The following LGR5 variants were observed in gnomAD, a reference collection of about 807,000 sequenced individuals.
LGR5 encodes the protein leucine rich repeat containing G protein-coupled receptor 5, also known as leucine-rich repeat-containing G protein-coupled receptor 5.
In LGR5, 54 loss-of-function variants were observed where a neutral mutation model predicts 76.7. The observed-to-expected ratio is 0.70, with a 90% CI of 0.57 to 0.88. The LOEUF is 0.88. Ranked by LOEUF, LGR5 falls within the 40% of genes least tolerant of loss-of-function variation. The pLI is 0.00. For missense variants in LGR5, 1,078 were observed against 1,073.3 expected (o/e 1.00, Z -0.06); for synonymous variants, 406 against 421.9 (o/e 0.96, Z 0.46).
At chr12:71,547,986 C>G (rs1010493500) in intron 4 of LGR5, among the ~76,000 whole-genome samples, 3 of 152,060 alleles carry the variant, frequency 2.0e-5, no homozygotes, top group African/African-American at 7.2e-5. Context: ...CAGACCCCCC[C>G]CAAAAGGACC....
At chr12:71,518,949 A>G (rs2701079) in intron 2 of LGR5, among the ~76,000 whole-genome samples, 32,204 of 152,150 alleles carry the variant, frequency 0.21, 3,581 homozygotes, top group Admixed American at 0.3. Flanking sequence ...GTTTACCTAT[A>G]TAACAAACCT....
At position 71,486,684 on chromosome 12, in the gene LGR5, G is replaced by A. The variant is rs141659293; in HGVS notation, c.213-17930G>A. ...GAGCAGCTAAAAATATCAAGAACCC[G>A]TTTATTTTGGAGTGCCACTGAGGTC... On this transcript the variant is annotated intron_variant, in intron 1 of 17. Coordinates refer to ENST00000266674, the MANE Select transcript of LGR5 (RefSeq NM_003667.4). Among the ~76,000 whole-genome samples the A allele has an allele frequency of 3.4e-3, 511 of 152,276 alleles. 4 individuals carry two copies. Among genetic ancestry groups the A allele is most frequent in the African/African-American group, 0.012 (494 of 41,566 alleles).
At position 71,551,455 on chromosome 12, in the gene LGR5, T is replaced by C. The variant is rs188072950; in HGVS notation, c.429-1618T>C. Reference sequence around the variant, plus strand: ...TCAAAATCCACTTCTGATTTTCTACTCCTTCCTAATACGTGGACCACTAAA... The same window carrying C: ...TCAAAATCCACTTCTGATTTTCTACCCCTTCCTAATACGTGGACCACTAAA... On this transcript the variant is annotated intron_variant, in intron 4 of 17. Transcript: ENST00000266674. Among the ~76,000 whole-genome samples the C allele has an allele frequency of 4.4e-4, 67 of 152,360 alleles. 1 individual carries two copies. The highest frequency in any genetic ancestry group is 1.7e-3 in the Admixed American group (26 of 15,302).
chr12:71,556,724 A>G (rs762362186), intron 6 of LGR5, 34 bp downstream of exon 6: 1 of 1,506,656 alleles, frequency 6.6e-7, no homozygotes, highest in Admixed American at 1.7e-5. Context: ...CCCTTTTTTC[A>G]GTATTTTCAT....
chr12:71,494,691 C>G (rs73340164), intron 1 of LGR5, among the ~76,000 whole-genome samples: 3,627 of 151,034 alleles, frequency 0.024, 351 homozygotes, highest in African/African-American at 0.085. Flanking sequence ...TAGATATTGA[C>G]AAACCCATAA....
chr12:71,535,110 T>G lies in LGR5; in HGVS notation c.357-5T>G. On this transcript the variant is annotated splice_region_variant and splice_polypyrimidine_tract_variant and intron_variant, in intron 3 of 17. Transcript: ENST00000266674. ...ACATTTTTCTTTATTTCTTTTAACATACAGTATGCTGCAGAATAATCAGCT... is the reference window on the plus strand; with the variant it reads ...ACATTTTTCTTTATTTCTTTTAACAGACAGTATGCTGCAGAATAATCAGCT... 1 of 1,602,422 alleles carries G rather than the reference T, an allele frequency of 6.2e-7. No homozygotes were observed. The highest frequency in any genetic ancestry group is 8.5e-7 in the Non-Finnish European group (1 of 1,171,052).
chr12:71,535,956 G>A (rs994413964), intron 4 of LGR5, among the ~76,000 whole-genome samples: 19 of 152,190 alleles, frequency 1.2e-4, no homozygotes, highest in Non-Finnish European at 2.6e-4. Context: ...TGTATTGTAA[G>A]CAGTTGATTG....
chr12:71,582,901 A>C (rs1404372580), intron 17 of LGR5, among the ~76,000 whole-genome samples: 5 of 151,902 alleles, frequency 3.3e-5, no homozygotes, highest in African/African-American at 1.2e-4. Flanking sequence ...TTTCTTATAA[A>C]TAACTATTTG....
chr12:71,447,076 A>G, intron 1 of LGR5, among the ~76,000 whole-genome samples: 1 of 152,226 alleles, frequency 6.6e-6, no homozygotes, highest in East Asian at 1.9e-4. Context: ...CTTTCTTAAC[A>G]GGCAAATTCT....
Position 71,584,023 on chromosome 12 carries a change from A to G in LGR5, c.2013A>G (p.Lys671=). 2 of 1,614,198 alleles carry G rather than the reference A, an allele frequency of 1.2e-6. No individual in the cohort carries two copies. The highest frequency in any genetic ancestry group is 1.7e-6 in the Non-Finnish European group (2 of 1,180,034). The stretch of plus-strand genomic sequence containing the variant: ...GGTTCTCTGTGAAATATTCTGCAAA[A>G]TTTGAAACGAAAGCTCCATTTTCTA... ...ERGFSVKYSA[K]FETKAPFSSL... is the part of the protein sequence containing the mutation. The change falls in exon 18 of 18, where the codon AAA becomes AAG. Residue 671 remains lysine (K), a synonymous_variant. Coordinates refer to ENST00000266674, the MANE Select transcript of LGR5 (RefSeq NM_003667.4).
intron 6 of LGR5, among the ~76,000 whole-genome samples, chr12:71,557,045 A>G (rs751187011): frequency 3.9e-5 from 6 of 152,238 alleles, no homozygotes; most frequent in Non-Finnish European, 7.3e-5. Flanking sequence ...GATGCAGGCC[A>G]GGCCAATGCC....
At chr12:71,555,167 GA>G (rs144411470) in intron 5 of LGR5, among the ~76,000 whole-genome samples, 1 of 151,498 alleles carries the variant, frequency 6.6e-6, no homozygotes, top group Admixed American at 6.6e-5. Flanking sequence ...TTATTTATTA[GA>G]AAAAAAATCT....
At chr12:71,550,167 T>A (rs181087830) in intron 4 of LGR5, among the ~76,000 whole-genome samples, 40 of 152,294 alleles carry the variant, frequency 2.6e-4, no homozygotes, top group African/African-American at 8.7e-4. Flanking sequence ...TTTTATTTTT[T>A]TATTTTTTTT....
intron 3 of LGR5, among the ~76,000 whole-genome samples, chr12:71,530,793 G>A (rs548016948): frequency 1.3e-5 from 2 of 152,186 alleles, no homozygotes; most frequent in South Asian, 4.2e-4. Flanking sequence ...ACTAACCATA[G>A]AAAAGTCACA....
Position 71,553,092 on chromosome 12 carries a change from A to C in LGR5, c.448A>C (p.Ile150Leu), listed in dbSNP as rs1212398028. The C allele has an allele frequency of 1.2e-6, 2 of 1,613,806 alleles. No homozygotes were observed. Among genetic ancestry groups the C allele is most frequent in the Non-Finnish European group, 1.7e-6 (2 of 1,179,980 alleles). The change falls in exon 5 of 18, where the codon ATC becomes CTC. Residue 150 changes from isoleucine to leucine, a missense_variant. By Grantham distance (5) the Ile-to-Leu change is conservative. Coordinates refer to ENST00000266674, the MANE Select transcript of LGR5 (RefSeq NM_003667.4). ...CCACAGGCGTCTGGATGCTAACCACATCAGCTATGTGCCCCCAAGCTGTTT... is the reference window on the plus strand; with the variant it reads ...CCACAGGCGTCTGGATGCTAACCACCTCAGCTATGTGCCCCCAAGCTGTTT... Reference protein sequence around the residue: ...LQSLRLDANHISYVPPSCFSG... With the variant: ...LQSLRLDANHLSYVPPSCFSG...
At chr12:71,444,560 G>T (rs1056248145) in intron 1 of LGR5, among the ~76,000 whole-genome samples, 1 of 152,048 alleles carries the variant, frequency 6.6e-6, no homozygotes, top group Non-Finnish European at 1.5e-5. Context: ...ATGATCTTCA[G>T]TTTTTTTCTT....
At chr12:71,468,873 TTAGA>T (rs1278870535) in intron 1 of LGR5, among the ~76,000 whole-genome samples, 4 of 152,240 alleles carry the variant, frequency 2.6e-5, no homozygotes, top group Middle Eastern at 3.4e-3. Flanking sequence ...TCAGTGAGAA[TTAGA>T]TAAACTCTTG....
At chr12:71,544,003 A>T (rs964288838) in intron 4 of LGR5, among the ~76,000 whole-genome samples, 8 of 152,224 alleles carry the variant, frequency 5.3e-5, no homozygotes, top group Admixed American at 6.5e-5. Flanking sequence ...GCTGTAGATC[A>T]TCTCCTTGCT....
At chr12:71,533,416 G>A (rs1224284100) in intron 3 of LGR5, among the ~76,000 whole-genome samples, 1 of 152,158 alleles carries the variant, frequency 6.6e-6, no homozygotes, top group African/African-American at 2.4e-5. Flanking sequence ...TTCTCAGTGT[G>A]TGGTGCCCTG....
Sources: gnomAD v4.1 joint callset for allele counts (sites outside exome capture counted in the v4.1 genomes callset) on GRCh38, gnomAD v4.1.1 for gene constraint, MANE v1.5 for transcripts, NCBI Gene and HGNC (gene_info 2026-07-23, HGNC 2026-07-21) for gene names.